Variants in STX8 observed in about 807,000 individuals in gnomAD.
STX8 encodes syntaxin-8.
Under a neutral mutation model 37.5 loss-of-function variants are expected in STX8, and 23 were observed. The observed-to-expected ratio is 0.61, with a 90% confidence interval of 0.44 to 0.87. STX8 has a LOEUF of 0.87. Ranked by LOEUF, STX8 falls within the 40% of genes least tolerant of loss-of-function variation. The pLI is 0.00. For missense variants in STX8, 313 were observed against 284.7 expected, an observed-to-expected ratio of 1.10 and a Z score of -0.71; for synonymous variants, 115 against 99.1, an observed-to-expected ratio of 1.16 and a Z score of -0.95.
chr17:9,316,639 G>T (rs1006441247), intron 7 of STX8, among the ~76,000 whole-genome samples: 1 of 152,168 alleles, frequency 6.6e-6, no homozygotes, highest in African/African-American at 2.4e-5. Context: ...ATATCTGCCT[G>T]TTCATTGTAT....
intron 7 of STX8, among the ~76,000 whole-genome samples, chr17:9,319,483 C>T (rs1039905536): frequency 6.6e-6 from 1 of 151,988 alleles, no homozygotes; most frequent in African/African-American, 2.4e-5. Context: ...ATTATCGATA[C>T]CTGGAAAATT....
chr17:9,383,000 A>G (rs1390494954), intron 6 of STX8, among the ~76,000 whole-genome samples: 3 of 152,160 alleles, frequency 2.0e-5, no homozygotes, highest in African/African-American at 7.2e-5. Flanking sequence ...GAATGAACGA[A>G]TCCTGTTCCA....
chr17:9,437,942 A>T (rs958419493), intron 6 of STX8: 17 of 152,122 alleles, frequency 1.1e-4, no homozygotes, highest in African/African-American at 4.1e-4. Flanking sequence ...CCTTTGAAAT[A>T]AGGTATAAAA....
At chr17:9,536,032 T>C (rs113344461) in intron 4 of STX8, among the ~76,000 whole-genome samples, 319 of 152,262 alleles carry the variant, frequency 2.1e-3, no homozygotes, top group African/African-American at 7.3e-3. Context: ...GATAATATAT[T>C]CCTATTTGCT....
chr17:9,386,923 G>A (rs1251380453), intron 6 of STX8, among the ~76,000 whole-genome samples: 1 of 152,004 alleles, frequency 6.6e-6, no homozygotes, highest in East Asian at 1.9e-4. Context: ...AGGCTGGAGT[G>A]CAGTGGCGCG....
At chr17:9,530,180 G>C (rs186330815) in intron 4 of STX8, among the ~76,000 whole-genome samples, 1 of 151,800 alleles carries the variant, frequency 6.6e-6, no homozygotes, top group Non-Finnish European at 1.5e-5. Context: ...GTGCAGTGAC[G>C]GGCGCCTGTA....
chr17:9,385,692 G>A (rs916990893), intron 6 of STX8, among the ~76,000 whole-genome samples: 3 of 152,162 alleles, frequency 2.0e-5, no homozygotes, highest in African/African-American at 4.8e-5. Flanking sequence ...CACAAAGGGC[G>A]CTGTACAAGT....
At chr17:9,508,682 A>G (rs1904927333) in intron 4 of STX8, among the ~76,000 whole-genome samples, 1 of 152,152 alleles carries the variant, frequency 6.6e-6, no homozygotes. Context: ...AGATGGGGGG[A>G]AGAAAAAGTA....
chr17:9,263,907 T>G (rs1907136283), intron 7 of STX8, among the ~76,000 whole-genome samples: 2 of 152,232 alleles, frequency 1.3e-5, no homozygotes, highest in Admixed American at 6.5e-5. Flanking sequence ...CCCTTGAACC[T>G]GATAAGCCCT....
intron 7 of STX8, among the ~76,000 whole-genome samples, chr17:9,352,896 T>G (rs906887868): frequency 8.5e-5 from 13 of 152,156 alleles, no homozygotes; most frequent in East Asian, 5.8e-4. Context: ...CTCCATTTTT[T>G]TTTTCAGACT....
At chr17:9,365,897 C>T (rs1911214848) in intron 7 of STX8, among the ~76,000 whole-genome samples, 3 of 152,108 alleles carry the variant, frequency 2.0e-5, no homozygotes, top group African/African-American at 4.8e-5. Context: ...CGTTTGAACC[C>T]AGGAGATGGA....
intron 7 of STX8, among the ~76,000 whole-genome samples, chr17:9,258,564 G>C (rs1906887538): frequency 6.6e-6 from 1 of 152,230 alleles, no homozygotes; most frequent in African/African-American, 2.4e-5. Context: ...GGGGTGTGGA[G>C]AGGAGGACCT....
chr17:9,298,351 C>G (rs574468417), intron 7 of STX8, among the ~76,000 whole-genome samples: 1 of 152,304 alleles, frequency 6.6e-6, no homozygotes, highest in Non-Finnish European at 1.5e-5. Flanking sequence ...CCCACAGGCA[C>G]AGGAGAGTTC....
intron 6 of STX8, among the ~76,000 whole-genome samples, chr17:9,381,706 C>T (rs981537534): frequency 6.6e-6 from 1 of 152,208 alleles, no homozygotes; most frequent in African/African-American, 2.4e-5. Flanking sequence ...GCTGGTGGCT[C>T]ACGCCTGTAA....
intron 7 of STX8, among the ~76,000 whole-genome samples, chr17:9,336,464 C>T (rs1293849382): frequency 6.6e-6 from 1 of 151,466 alleles, no homozygotes; most frequent in African/African-American, 2.4e-5. Context: ...GAGATGGAGT[C>T]TCACTCTGTG....
intron 7 of STX8, among the ~76,000 whole-genome samples, chr17:9,321,391 G>A (rs1909572097): frequency 2.0e-5 from 3 of 152,054 alleles, no homozygotes; most frequent in Admixed American, 6.5e-5. Flanking sequence ...TTAGCCGGGC[G>A]TGGTGGCAGA....
At chr17:9,331,464 T>C (rs745714091) in intron 7 of STX8, among the ~76,000 whole-genome samples, 8 of 152,274 alleles carry the variant, frequency 5.3e-5, no homozygotes, top group Non-Finnish European at 1.0e-4. Flanking sequence ...GCTTTAATTT[T>C]TCCCCCTTTT....
intron 6 of STX8, among the ~76,000 whole-genome samples, chr17:9,430,081 T>TATTCTATAGA (rs1913890471): frequency 4.7e-5 from 3 of 64,182 alleles, no homozygotes; most frequent in Non-Finnish European, 3.0e-5. Flanking sequence ...CTATATAATA[T>TATTCTATAGA]ATATATTCTA....
chr17:9,462,919 G>A (rs537819198), intron 6 of STX8, among the ~76,000 whole-genome samples: 1 of 152,272 alleles, frequency 6.6e-6, no homozygotes, highest in South Asian at 2.1e-4. Flanking sequence ...ACTGGCCAAG[G>A]GGCCCGCCAC....
Sources: allele counts gnomAD v4.1 joint callset (sites outside exome capture counted in the v4.1 genomes callset), GRCh38; gene constraint gnomAD v4.1.1; transcripts MANE v1.5; gene names NCBI Gene and HGNC (gene_info 2026-07-23, HGNC 2026-07-21).